The following SEMA5A variants were observed in gnomAD, a reference collection of about 807,000 sequenced individuals.
The protein encoded by SEMA5A is semaphorin-5A.
A neutral mutation model predicts 135.5 loss-of-function variants in SEMA5A; 55 were observed. The observed-to-expected ratio is 0.41, with a 90% CI of 0.33 to 0.51. SEMA5A has a LOEUF of 0.51. SEMA5A is among the 20% of genes least tolerant of loss of function. SEMA5A has a pLI of 0.37. For synonymous variants in SEMA5A, 580 were observed against 546.5 expected (o/e 1.06, Z -0.85); for missense variants, 1,290 against 1,419.9 (o/e 0.91, Z 1.47).
At position 9,123,759 on chromosome 5, in the gene SEMA5A, G is replaced by A. The variant is rs192501032; in HGVS notation, c.1600-922C>T. On this transcript the variant is annotated intron_variant, in intron 13 of 22. Transcript: ENST00000382496. Reference sequence around the variant, plus strand: ...AGAGTATCTATTAAGCAGCTGCAGCGCTTCTCTTTGTTAAGAATATCCCAG... The same window carrying A: ...AGAGTATCTATTAAGCAGCTGCAGCACTTCTCTTTGTTAAGAATATCCCAG... Among the ~76,000 whole-genome samples, 20 of 152,246 alleles carry A rather than the reference G, an allele frequency of 1.3e-4. No individual in the cohort carries two copies. In the East Asian group the frequency reaches 2.7e-3, roughly 21 times the overall value.
intron 2 of SEMA5A, among the ~76,000 whole-genome samples, chr5:9,430,845 T>C (rs988108705): frequency 6.6e-6 from 1 of 152,078 alleles, no homozygotes; most frequent in Non-Finnish European, 1.5e-5. Flanking sequence ...TTTTTTGTTT[T>C]TTGTTTTTTT....
intron 6 of SEMA5A, among the ~76,000 whole-genome samples, chr5:9,234,284 C>T (rs544690267): frequency 6.6e-6 from 1 of 152,324 alleles, no homozygotes; most frequent in African/African-American, 2.4e-5. Flanking sequence ...TTCATAGGGG[C>T]TGCCTTGTTT....
intron 11 of SEMA5A, among the ~76,000 whole-genome samples, chr5:9,188,390 TC>T (rs1744918503): frequency 6.6e-6 from 1 of 152,184 alleles, no homozygotes; most frequent in Admixed American, 6.5e-5. Context: ...AGGAGTTTCA[TC>T]AGAAATCCTC....
chr5:9,458,141 T>C (rs950296326), intron 1 of SEMA5A, among the ~76,000 whole-genome samples: 3 of 151,862 alleles, frequency 2.0e-5, no homozygotes, highest in African/African-American at 7.3e-5. Flanking sequence ...TCTCCTGACC[T>C]CGTGATCCGC....
intron 3 of SEMA5A, among the ~76,000 whole-genome samples, chr5:9,343,374 A>G (rs1348924928): frequency 2.6e-5 from 4 of 152,126 alleles, no homozygotes; most frequent in African/African-American, 9.7e-5. Flanking sequence ...CCAATACAGG[A>G]GTTGGGGGGC....
chr5:9,356,952 A>G lies in SEMA5A; in HGVS notation c.125-19140T>C, dbSNP rs182269045. On this transcript the variant is annotated intron_variant, in intron 3 of 22. Transcript: ENST00000382496. ...CTCCTGAACATATTCAGTGAGCCTGACTTCAAGAGAAAGCCCCGAACGATG... is the reference window on the plus strand; with the variant it reads ...CTCCTGAACATATTCAGTGAGCCTGGCTTCAAGAGAAAGCCCCGAACGATG... Among the ~76,000 whole-genome samples the G allele has an allele frequency of 7.2e-5, 11 of 152,310 alleles. No individual in the cohort carries two copies. In the East Asian group the frequency reaches 2.1e-3, roughly 29 times the overall value.
At chr5:9,154,855 A>G (rs1742866713) in intron 11 of SEMA5A, among the ~76,000 whole-genome samples, 160 bp from the exon 12 acceptor site, 1 of 152,192 alleles carries the variant, frequency 6.6e-6, no homozygotes, top group Admixed American at 6.5e-5. Context: ...ACTGCAGACC[A>G]GTTAGGTCAG....
At chr5:9,166,939 T>C (rs1743642257) in intron 11 of SEMA5A, among the ~76,000 whole-genome samples, 1 of 152,178 alleles carries the variant, frequency 6.6e-6, no homozygotes, top group African/African-American at 2.4e-5. Flanking sequence ...TGGCAGCCCT[T>C]CTCTGACAGT....
intron 3 of SEMA5A, among the ~76,000 whole-genome samples, chr5:9,354,673 G>A (rs1345525933): frequency 6.6e-6 from 1 of 152,168 alleles, no homozygotes; most frequent in African/African-American, 2.4e-5. Context: ...CTCATTGAAT[G>A]CTTATCCGAA....
chr5:9,273,845 AAC>A (rs1750114426), intron 5 of SEMA5A, among the ~76,000 whole-genome samples: 2 of 152,136 alleles, frequency 1.3e-5, no homozygotes, highest in Non-Finnish European at 2.9e-5. Flanking sequence ...GGAAGCACTA[AAC>A]ATGGAAAGGA....
chr5:9,049,680 C>T (rs1001334484), intron 21 of SEMA5A, among the ~76,000 whole-genome samples: 1 of 152,218 alleles, frequency 6.6e-6, no homozygotes, highest in African/African-American at 2.4e-5. Flanking sequence ...TCAATGTAGA[C>T]ATTGGCTCGG....
At chr5:9,346,852 T>C (rs111460370) in intron 3 of SEMA5A, among the ~76,000 whole-genome samples, 70 of 152,226 alleles carry the variant, frequency 4.6e-4, no homozygotes, top group African/African-American at 1.7e-3. Context: ...CACATAGATA[T>C]ATAAATATAG....
intron 1 of SEMA5A, among the ~76,000 whole-genome samples, chr5:9,488,385 AT>A (rs1734834831): frequency 6.6e-6 from 1 of 152,226 alleles, no homozygotes; most frequent in Non-Finnish European, 1.5e-5. Context: ...AGAGACACTT[AT>A]AAGATGACTC....
At chr5:9,289,418 C>A (rs753580771) in intron 5 of SEMA5A, among the ~76,000 whole-genome samples, 2 of 152,052 alleles carry the variant, frequency 1.3e-5, no homozygotes, top group Non-Finnish European at 2.9e-5. Context: ...ATATATAAAT[C>A]CAATTTCTTG....
At chr5:9,418,003 G>C (rs960912016) in intron 2 of SEMA5A, among the ~76,000 whole-genome samples, 1 of 148,920 alleles carries the variant, frequency 6.7e-6, no homozygotes, top group Non-Finnish European at 1.5e-5. Context: ...TCGAGATGGA[G>C]TCTCGCTCTG....
intron 16 of SEMA5A, among the ~76,000 whole-genome samples, chr5:9,067,943 T>C (rs1166687291): frequency 6.6e-6 from 1 of 152,202 alleles, no homozygotes. Context: ...ACATTTTAAA[T>C]TTCCAAAAGC....
intron 1 of SEMA5A, among the ~76,000 whole-genome samples, chr5:9,516,183 CACAG>C (rs1736501420): frequency 6.6e-6 from 1 of 152,134 alleles, no homozygotes; most frequent in Non-Finnish European, 1.5e-5. Flanking sequence ...CACACACATA[CACAG>C]ACACACTCAC....
Position 9,350,357 on chromosome 5 carries a change from G to A in SEMA5A, c.125-12545C>T, listed in dbSNP as rs558335221. Among the ~76,000 whole-genome samples the A allele has an allele frequency of 3.9e-5, 6 of 152,324 alleles. No individual in the cohort carries two copies. In the South Asian group the frequency reaches 1.0e-3, roughly 26 times the overall value. On this transcript the variant is annotated intron_variant, in intron 3 of 22. Coordinates refer to ENST00000382496, the MANE Select transcript of SEMA5A (RefSeq NM_003966.3). ...AGTTTAATAATGGGTTGACTCAGCA[G>A]GTCTGCGGTATTCAAGCCAAGCATG...
intron 11 of SEMA5A, among the ~76,000 whole-genome samples, chr5:9,178,290 GA>G (rs1200310830): frequency 5.4e-5 from 8 of 147,556 alleles, no homozygotes; most frequent in Non-Finnish European, 8.9e-5. Flanking sequence ...CCTGAGTGAG[GA>G]AAAAAAATGT....
Sources: gnomAD v4.1 joint callset for allele counts (sites outside exome capture counted in the v4.1 genomes callset) on GRCh38, gnomAD v4.1.1 for gene constraint, MANE v1.5 for transcripts, NCBI Gene and HGNC (gene_info 2026-07-23, HGNC 2026-07-21) for gene names.